Variants in CAMTA1 observed in about 807,000 individuals in gnomAD.
CAMTA1 encodes calmodulin-binding transcription activator 1.
In CAMTA1, 27 loss-of-function variants were observed where a neutral mutation model predicts 170.9. That is an observed-to-expected ratio of 0.16 (90% CI 0.12 to 0.22). The LOEUF (loss-of-function observed/expected upper bound fraction) is 0.22. Ranked by LOEUF, CAMTA1 falls within the 10% of genes least tolerant of loss-of-function variation. The pLI is 1.00. For missense variants in CAMTA1, 1,619 were observed against 2,217.2 expected (o/e 0.73, Z 5.42); for synonymous variants, 833 against 891.5 (o/e 0.93, Z 1.17).
intron 3 of CAMTA1, among the ~76,000 whole-genome samples, chr1:7,043,867 T>TC (rs955461235): frequency 1.3e-5 from 2 of 152,140 alleles, no homozygotes; most frequent in African/African-American, 4.8e-5. Flanking sequence ...CAGCTCTAAA[T>TC]CCCCGAGTTG....
At chr1:7,575,179 C>T (rs947727856) in intron 6 of CAMTA1, among the ~76,000 whole-genome samples, 1 of 152,218 alleles carries the variant, frequency 6.6e-6, no homozygotes, top group Non-Finnish European at 1.5e-5. Context: ...TAGATGTCAG[C>T]TGATGCCTTT....
chr1:7,203,674 T>A (rs1235797304), intron 4 of CAMTA1, among the ~76,000 whole-genome samples: 1 of 152,028 alleles, frequency 6.6e-6, no homozygotes, highest in East Asian at 1.9e-4. Flanking sequence ...TTGTAGTCAT[T>A]TTCATTTCTG....
chr1:7,153,689 T>C (rs758204436), intron 4 of CAMTA1, among the ~76,000 whole-genome samples: 1 of 152,024 alleles, frequency 6.6e-6, no homozygotes, highest in Non-Finnish European at 1.5e-5. Context: ...TGGGAGGTGA[T>C]CTGGTGGGCG....
At chr1:7,042,763 A>G (rs992699407) in intron 3 of CAMTA1, among the ~76,000 whole-genome samples, 2 of 152,222 alleles carry the variant, frequency 1.3e-5, no homozygotes, top group Admixed American at 6.5e-5. Context: ...GGCTGGCAGC[A>G]GCTCCCGACT....
rs1692476825 is a variant in CAMTA1 at position 6,971,211 on chromosome 1, C to A, written c.235-120093C>A. On this transcript the variant is annotated intron_variant, in intron 3 of 22. Transcript: ENST00000303635. This position sits in a 1 kb window ranked among gnomAD's most constrained non-coding sequence, Gnocchi z 4.6. ...GGAGAAGAGCACACGATGGGCCTCG[C>A]TCCTCATGCTCCCCACTCCTGATGA... Among the ~76,000 whole-genome samples, 1 of 152,148 alleles carries A rather than the reference C, an allele frequency of 6.6e-6. No individual in the cohort carries two copies. Among genetic ancestry groups the A allele is most frequent in the Non-Finnish European group, 1.5e-5 (1 of 68,034 alleles).
chr1:7,423,385 G>A (rs867742513), intron 5 of CAMTA1, among the ~76,000 whole-genome samples: 12 of 150,856 alleles, frequency 8.0e-5, no homozygotes, highest in Admixed American at 1.3e-4. Flanking sequence ...CAGGAGAATC[G>A]CTTGAACCCG....
chr1:7,032,709 G>A (rs1339066763), intron 3 of CAMTA1, among the ~76,000 whole-genome samples: 2 of 152,012 alleles, frequency 1.3e-5, no homozygotes, highest in East Asian at 3.9e-4. Flanking sequence ...GCCTGAATGA[G>A]TTGCTTTAAT....
At chr1:7,355,726 C>T (rs1465703567) in intron 5 of CAMTA1, among the ~76,000 whole-genome samples, 2 of 152,200 alleles carry the variant, frequency 1.3e-5, no homozygotes, top group African/African-American at 2.4e-5. Context: ...AAACCCCTGC[C>T]ATGGCCTTCC....
chr1:7,489,784 G>A (rs984328071), intron 6 of CAMTA1, among the ~76,000 whole-genome samples: 27 of 152,192 alleles, frequency 1.8e-4, no homozygotes, highest in East Asian at 9.6e-4. Context: ...CCCCTGGCCC[G>A]GAGCAGTTCC....
intron 21 of CAMTA1, among the ~76,000 whole-genome samples, chr1:7,753,352 C>T (rs1324436558): frequency 1.3e-5 from 2 of 152,192 alleles, no homozygotes; most frequent in Non-Finnish European, 2.9e-5. Flanking sequence ...TAACTGCGGC[C>T]ATCCGAGCTG....
intron 6 of CAMTA1, among the ~76,000 whole-genome samples, chr1:7,509,443 C>T (rs896594270): frequency 4.6e-5 from 7 of 152,164 alleles, no homozygotes; most frequent in African/African-American, 7.2e-5. Context: ...TCTAAACTGT[C>T]GGACCCAGCA....
chr1:7,373,393 G>A (rs2086623736), intron 5 of CAMTA1, among the ~76,000 whole-genome samples: 1 of 152,234 alleles, frequency 6.6e-6, no homozygotes, highest in African/African-American at 2.4e-5. Context: ...CCCCGAGTTG[G>A]CTGCGACTGA....
chr1:7,149,961 C>T (rs1573470965), intron 4 of CAMTA1, among the ~76,000 whole-genome samples: 1 of 152,108 alleles, frequency 6.6e-6, no homozygotes, highest in East Asian at 1.9e-4. Context: ...GGGGAGGCTT[C>T]GTCTCATTTC....
At chr1:6,905,547 G>T (rs973158786) in intron 3 of CAMTA1, among the ~76,000 whole-genome samples, 1 of 151,956 alleles carries the variant, frequency 6.6e-6, no homozygotes, top group Admixed American at 6.6e-5. Context: ...CCTGCCACCA[G>T]CCCCGCTTCC....
chr1:7,460,373 AG>A (rs1455474732), intron 5 of CAMTA1, among the ~76,000 whole-genome samples: 1 of 152,170 alleles, frequency 6.6e-6, no homozygotes, highest in African/African-American at 2.4e-5. Flanking sequence ...CCTTAGCAAC[AG>A]GGCTCTTTGA....
chr1:7,552,210 G>C (rs2094812917), intron 6 of CAMTA1, among the ~76,000 whole-genome samples: 1 of 152,190 alleles, frequency 6.6e-6, no homozygotes, highest in Admixed American at 6.5e-5. Flanking sequence ...GTGCCACCCA[G>C]CCTAGCTCTG....
At chr1:7,320,411 A>G (rs1286626201) in intron 5 of CAMTA1, among the ~76,000 whole-genome samples, 2 of 152,200 alleles carry the variant, frequency 1.3e-5, no homozygotes, top group Non-Finnish European at 2.9e-5. Flanking sequence ...GCCATATGCT[A>G]TGTATCTGAG....
At chr1:7,520,163 C>T (rs1415750002) in intron 6 of CAMTA1, among the ~76,000 whole-genome samples, 6 of 136,430 alleles carry the variant, frequency 4.4e-5, no homozygotes, top group African/African-American at 8.5e-5. Context: ...AGCACCTGGC[C>T]GCCTCTCAGG....
chr1:7,153,339 T>G (rs999852108), intron 4 of CAMTA1, among the ~76,000 whole-genome samples: 1 of 152,048 alleles, frequency 6.6e-6, no homozygotes. Flanking sequence ...AAATTAAACA[T>G]TGGATTGGAA....
Sources: gnomAD v4.1 joint callset for allele counts (sites outside exome capture counted in the v4.1 genomes callset) on GRCh38, gnomAD v4.1.1 for gene constraint, Gnocchi (gnomAD v3.1) non-coding constraint, MANE v1.5 for transcripts, NCBI Gene and HGNC (gene_info 2026-07-23, HGNC 2026-07-21) for gene names.